GRID1: variants seen among roughly 807,000 people sequenced by gnomAD.
The protein encoded by GRID1 is glutamate receptor ionotropic, delta-1.
GRID1 carries 28 observed loss-of-function variants against 98.0 expected under a neutral mutation model. That is an observed-to-expected ratio of 0.29 (90% CI 0.21 to 0.39). GRID1 has a LOEUF of 0.39. GRID1 is among the 10% of genes least tolerant of loss of function. The pLI is 1.00. For synonymous variants in GRID1, 553 were observed against 538.5 expected, an observed-to-expected ratio of 1.03 and a Z score of -0.37; for missense variants, 1,111 against 1,340.5, an observed-to-expected ratio of 0.83 and a Z score of 2.67.
chr10:86,328,746 T>C (rs1251549171), intron 2 of GRID1, among the ~76,000 whole-genome samples: 2 of 152,150 alleles, frequency 1.3e-5, no homozygotes, highest in Non-Finnish European at 2.9e-5. Context: ...GAACTCTATG[T>C]GTGCTTGGCA....
At chr10:86,085,539 G>T (rs915063314) in intron 4 of GRID1, among the ~76,000 whole-genome samples, 12 of 152,126 alleles carry the variant, frequency 7.9e-5, no homozygotes, top group Non-Finnish European at 5.9e-5. Flanking sequence ...ACCTGGGTGG[G>T]GAAGATGAAT....
chr10:86,108,593 T>C (rs932831130), intron 4 of GRID1, among the ~76,000 whole-genome samples: 5 of 152,138 alleles, frequency 3.3e-5, no homozygotes, highest in Non-Finnish European at 7.4e-5. Flanking sequence ...AAGAGCAGAA[T>C]CCCTGGGATG....
intron 2 of GRID1, among the ~76,000 whole-genome samples, chr10:86,241,311 T>C (rs1589423285): frequency 6.6e-6 from 1 of 152,360 alleles, no homozygotes; most frequent in South Asian, 2.1e-4. Context: ...TCCCTCTCTG[T>C]CCTAGCCCTT....
intron 4 of GRID1, among the ~76,000 whole-genome samples, chr10:86,080,022 T>C (rs909046789): frequency 6.6e-6 from 1 of 152,054 alleles, no homozygotes; most frequent in Non-Finnish European, 1.5e-5. Context: ...GTGACCACCA[T>C]GGCCGAAGGC....
intron 4 of GRID1, among the ~76,000 whole-genome samples, chr10:86,111,618 GAGGGATAAAGGGGTTAACCCA>G (rs950896499): frequency 2.0e-5 from 3 of 152,214 alleles, no homozygotes; most frequent in African/African-American, 7.2e-5. Flanking sequence ...AAGGGACTTG[GAGGGATAAAGGGGTTAACCCA>G]AGCTACATTC....
At chr10:85,662,949 G>A (rs532755833) in intron 12 of GRID1, among the ~76,000 whole-genome samples, 74 of 152,196 alleles carry the variant, frequency 4.9e-4, no homozygotes, top group Non-Finnish European at 7.9e-4. Context: ...TCCTGTGCAA[G>A]ATTTTGTTTC....
At chr10:85,694,788 A>C (rs1841375497) in intron 12 of GRID1, among the ~76,000 whole-genome samples, 1 of 145,750 alleles carries the variant, frequency 6.9e-6, no homozygotes, top group South Asian at 2.3e-4. Context: ...GAAATAATAG[A>C]CACTAGAGAG....
At chr10:86,342,715 G>T (rs1289028025) in intron 2 of GRID1, among the ~76,000 whole-genome samples, 1 of 152,214 alleles carries the variant, frequency 6.6e-6, no homozygotes, top group Admixed American at 6.5e-5. Flanking sequence ...GCCTGAGTCG[G>T]GTAGCGAGCT....
At chr10:85,963,009 G>A (rs1842290230) in intron 4 of GRID1, among the ~76,000 whole-genome samples, 1 of 152,168 alleles carries the variant, frequency 6.6e-6, no homozygotes, top group African/African-American at 2.4e-5. Flanking sequence ...TTCTGTGTGA[G>A]CCTAAGAGGA....
chr10:85,716,556 T>G (rs974426392), intron 12 of GRID1, among the ~76,000 whole-genome samples: 15 of 150,640 alleles, frequency 1.0e-4, no homozygotes, highest in African/African-American at 3.4e-4. Flanking sequence ...AAACTTAAAG[T>G]ATAATAATAA....
chr10:86,082,531 G>A (rs1260337390), intron 4 of GRID1, among the ~76,000 whole-genome samples: 1 of 152,086 alleles, frequency 6.6e-6, no homozygotes, highest in African/African-American at 2.4e-5. Context: ...CTTCTAACTG[G>A]TCCCTCAGAC....
intron 2 of GRID1, among the ~76,000 whole-genome samples, chr10:86,329,887 G>C (rs1300257562): frequency 6.6e-6 from 1 of 152,104 alleles, no homozygotes; most frequent in African/African-American, 2.4e-5. Flanking sequence ...GCCCTTCCAG[G>C]CCAGCCTGTG....
rs116051805 is a variant in GRID1, at chr10:86,225,938, G to T, written c.236-19290C>A. Among the ~76,000 whole-genome samples the T allele has an allele frequency of 9.2e-3, 1,404 of 152,134 alleles. 19 individuals carry two copies. Among genetic ancestry groups the T allele is most frequent in the Middle Eastern group, 0.031 (9 of 294 alleles). On this transcript the variant is annotated intron_variant, in intron 2 of 15. Coordinates refer to ENST00000327946, the MANE Select transcript of GRID1 (RefSeq NM_017551.3). Reference sequence around the variant, plus strand: ...CCATCAAGGCTGCAGGCATTCGTGGGGTCTTTTCTACAGAGCTGGGGGCCT... The same window carrying T: ...CCATCAAGGCTGCAGGCATTCGTGGTGTCTTTTCTACAGAGCTGGGGGCCT...
chr10:86,260,014 T>C (rs1010545386), intron 2 of GRID1, among the ~76,000 whole-genome samples: 2 of 152,254 alleles, frequency 1.3e-5, no homozygotes, highest in African/African-American at 4.8e-5. Context: ...AATCAGTCTC[T>C]TCTGAGCTTG....
chr10:86,053,465 C>A (rs1314197358), intron 4 of GRID1, among the ~76,000 whole-genome samples: 1 of 151,916 alleles, frequency 6.6e-6, no homozygotes, highest in Non-Finnish European at 1.5e-5. Context: ...TCAAGCAATT[C>A]TCCTGCCTCA....
At chr10:86,280,121 T>C (rs907154080) in intron 2 of GRID1, among the ~76,000 whole-genome samples, 1 of 152,134 alleles carries the variant, frequency 6.6e-6, no homozygotes, top group Non-Finnish European at 1.5e-5. Flanking sequence ...GAAGATTGCT[T>C]GAGCCCAGGA....
At chr10:86,181,390 G>T (rs1845653036) in intron 3 of GRID1, among the ~76,000 whole-genome samples, 1 of 152,186 alleles carries the variant, frequency 6.6e-6, no homozygotes, top group Non-Finnish European at 1.5e-5. Context: ...TTGAATGCAG[G>T]TAGGTTGCCT....
intron 4 of GRID1, among the ~76,000 whole-genome samples, chr10:86,010,864 T>A (rs7905957): frequency 0.067 from 9,998 of 149,730 alleles, 414 homozygotes; most frequent in East Asian, 0.19. Context: ...CGTGTGTGTA[T>A]GTGTTTGTGT....
chr10:85,748,322 G>A (rs1166183821), intron 8 of GRID1, among the ~76,000 whole-genome samples: 3 of 152,160 alleles, frequency 2.0e-5, no homozygotes, highest in South Asian at 4.1e-4. Flanking sequence ...GAGATTGCCT[G>A]AGAAACATCA....
Sources: allele counts gnomAD v4.1 joint callset (sites outside exome capture counted in the v4.1 genomes callset), GRCh38; gene constraint gnomAD v4.1.1; transcripts MANE v1.5; gene names NCBI Gene and HGNC (gene_info 2026-07-23, HGNC 2026-07-21).